Variants in NRG3 observed in about 807,000 individuals in gnomAD.
NRG3 encodes the protein pro-neuregulin-3, membrane-bound isoform.
A neutral mutation model predicts 66.9 loss-of-function variants in NRG3; 31 were observed. That is an observed-to-expected ratio of 0.46 (90% CI 0.35 to 0.63). The LOEUF (loss-of-function observed/expected upper bound fraction) is 0.63. NRG3 is among the 20% of genes least tolerant of loss of function. The pLI, the probability that NRG3 is intolerant of heterozygous loss-of-function variation, is 0.00. For synonymous variants in NRG3, 393 were observed against 359.4 expected (o/e 1.09, Z -1.06); for missense variants, 910 against 878.9 (o/e 1.04, Z -0.45).
At chr10:82,512,904 A>G (rs1845324213) in intron 2 of NRG3, among the ~76,000 whole-genome samples, 1 of 152,068 alleles carries the variant, frequency 6.6e-6, no homozygotes, top group Non-Finnish European at 1.5e-5. Flanking sequence ...GTATTTCTTC[A>G]TTATCACTAT....
chr10:82,923,443 A>T (rs117491663), intron 4 of NRG3, among the ~76,000 whole-genome samples: 7,403 of 152,294 alleles, frequency 0.049, 264 homozygotes, highest in Middle Eastern at 0.078. Flanking sequence ...CACTCAGTAC[A>T]TTGTCTCCAC....
intron 2 of NRG3, among the ~76,000 whole-genome samples, chr10:82,495,396 G>T (rs76091667): frequency 0.053 from 8,112 of 152,050 alleles, 489 homozygotes; most frequent in East Asian, 0.17. Context: ...AGATCTTACA[G>T]TTCAGCAAAC....
At chr10:82,431,448 T>C (rs1446215236) in intron 2 of NRG3, among the ~76,000 whole-genome samples, 2 of 152,196 alleles carry the variant, frequency 1.3e-5, no homozygotes, top group African/African-American at 4.8e-5. Context: ...CTTGCCAAGA[T>C]GTATTCACTT....
chr10:82,183,649 T>C (rs1360515727), intron 1 of NRG3, among the ~76,000 whole-genome samples: 2 of 152,104 alleles, frequency 1.3e-5, no homozygotes, highest in Admixed American at 6.6e-5. Flanking sequence ...GCAGTGGTTC[T>C]CAACTAGGGG....
chr10:82,963,752 T>C (rs7098440), intron 6 of NRG3, among the ~76,000 whole-genome samples: 152,062 of 152,348 alleles, frequency 1, 75,888 homozygotes, highest in Middle Eastern at 1. Flanking sequence ...TTCTTTTTAT[T>C]ACAAATTCCA....
At chr10:82,045,487 G>C (rs1236676809) in intron 1 of NRG3, among the ~76,000 whole-genome samples, 1 of 58,164 alleles carries the variant, frequency 1.7e-5, no homozygotes, top group Non-Finnish European at 4.1e-5. Flanking sequence ...AGATGAGTAG[G>C]TTGTGAGAAT....
chr10:82,596,485 A>G (rs2047287501), intron 2 of NRG3, among the ~76,000 whole-genome samples: 1 of 152,132 alleles, frequency 6.6e-6, no homozygotes, highest in Admixed American at 6.5e-5. Flanking sequence ...AGGTTTTTCC[A>G]TTTCAAACTG....
chr10:82,503,439 C>T (rs1188203940), intron 2 of NRG3, among the ~76,000 whole-genome samples: 4 of 152,144 alleles, frequency 2.6e-5, no homozygotes, highest in African/African-American at 4.8e-5. Context: ...AAGAGTTTTA[C>T]CTCCACTTGG....
intron 1 of NRG3, among the ~76,000 whole-genome samples, chr10:82,168,820 C>T (rs2072320425): frequency 6.6e-6 from 1 of 152,100 alleles, no homozygotes. Context: ...ATCATTTCTG[C>T]CATTTTCTCA....
intron 1 of NRG3, among the ~76,000 whole-genome samples, chr10:82,299,347 A>G (rs10787029): frequency 0.48 from 73,001 of 151,996 alleles, 21,045 homozygotes; most frequent in African/African-American, 0.81. Context: ...CCATTTTGCA[A>G]ATGAGAAAAC....
chr10:82,576,122 A>T (rs1273327548), intron 2 of NRG3, among the ~76,000 whole-genome samples: 1 of 151,702 alleles, frequency 6.6e-6, no homozygotes, highest in Non-Finnish European at 1.5e-5. Flanking sequence ...GGAGAGGAGA[A>T]ACTATGAATC....
chr10:82,321,944 G>T (rs3904722), intron 1 of NRG3, among the ~76,000 whole-genome samples: 2,459 of 152,252 alleles, frequency 0.016, 60 homozygotes, highest in African/African-American at 0.054. Flanking sequence ...CTGAATTAGA[G>T]AATAATGGCA....
chr10:82,217,273 GTTAGTGTGGAGTC>G (rs1230256739), intron 1 of NRG3, among the ~76,000 whole-genome samples: 11 of 152,168 alleles, frequency 7.2e-5, no homozygotes, highest in Admixed American at 7.2e-4. Context: ...TAAGCTGGTA[GTTAGTGTGGAGTC>G]TGCATTCCAG....
intron 1 of NRG3, among the ~76,000 whole-genome samples, chr10:82,008,789 T>C (rs1244219589): frequency 6.6e-6 from 1 of 152,150 alleles, no homozygotes; most frequent in Admixed American, 6.6e-5. Flanking sequence ...TTGGACCCAC[T>C]AACATCACCA....
intron 1 of NRG3, among the ~76,000 whole-genome samples, chr10:82,046,816 A>G (rs1168686795): frequency 8.3e-6 from 1 of 121,048 alleles, no homozygotes; most frequent in African/African-American, 2.7e-5. Flanking sequence ...TTCTGCATCT[A>G]TTGAGATAAT....
intron 2 of NRG3, among the ~76,000 whole-genome samples, chr10:82,724,363 A>G (rs2057475935): frequency 6.6e-6 from 1 of 152,088 alleles, no homozygotes; most frequent in Non-Finnish European, 1.5e-5. Context: ...ATATCCATTT[A>G]TCCTCAGCAG....
intron 1 of NRG3, among the ~76,000 whole-genome samples, chr10:81,979,030 A>G (rs2060230343): frequency 6.6e-6 from 1 of 152,078 alleles, no homozygotes; most frequent in East Asian, 1.9e-4. Context: ...CTCTATTAAA[A>G]GTACAAAAAT....
intron 2 of NRG3, among the ~76,000 whole-genome samples, chr10:82,501,388 C>T (rs1321464391): frequency 6.6e-6 from 1 of 152,184 alleles, no homozygotes. Context: ...CCTCACTCCC[C>T]TGTCTGAAAC....
chr10:82,371,631 A>G (rs2084901718), intron 2 of NRG3, among the ~76,000 whole-genome samples: 1 of 152,158 alleles, frequency 6.6e-6, no homozygotes, highest in South Asian at 2.1e-4. Context: ...GCTGTAAAGG[A>G]ATACCTGAGG....
Sources: gnomAD v4.1 joint callset for allele counts (sites outside exome capture counted in the v4.1 genomes callset) on GRCh38, gnomAD v4.1.1 for gene constraint, MANE v1.5 for transcripts, NCBI Gene and HGNC (gene_info 2026-07-23, HGNC 2026-07-21) for gene names.